The following GFOD2 variants were observed in gnomAD, a reference collection of about 807,000 sequenced individuals.
GFOD2 encodes Gfo/Idh/MocA-like oxidoreductase domain containing 2.
A neutral mutation model predicts 24.6 loss-of-function variants in GFOD2; 9 were observed. That is an observed-to-expected ratio of 0.37 (90% CI 0.22 to 0.64). The LOEUF is 0.64. GFOD2 is among the 30% of genes least tolerant of loss of function. The pLI is 0.65. For missense variants in GFOD2, 476 were observed against 532.5 expected, an observed-to-expected ratio of 0.89 and a Z score of 1.04; for synonymous variants, 211 against 224.8, an observed-to-expected ratio of 0.94 and a Z score of 0.55.
At chr16:67,708,778 C>T (rs1442145947) in intron 1 of GFOD2, among the ~76,000 whole-genome samples, 2 of 152,130 alleles carry the variant, frequency 1.3e-5, no homozygotes, top group African/African-American at 4.8e-5. Context: ...CTGAGAGGCA[C>T]CTCCACAGAC....
chr16:67,689,970 TA>T (rs1467474178), intron 1 of GFOD2, among the ~76,000 whole-genome samples: 1 of 152,216 alleles, frequency 6.6e-6, no homozygotes, highest in Non-Finnish European at 1.5e-5. Flanking sequence ...TTGGCTAGCA[TA>T]ATGTCTTCAA....
At chr16:67,697,627 G>A (rs2053368057) in intron 1 of GFOD2, among the ~76,000 whole-genome samples, 2 of 152,146 alleles carry the variant, frequency 1.3e-5, no homozygotes, top group African/African-American at 2.4e-5. Context: ...TCACTTCTCT[G>A]AGCCTCTATA....
chr16:67,691,543 G>A (rs981016561), intron 1 of GFOD2, among the ~76,000 whole-genome samples: 7 of 147,662 alleles, frequency 4.7e-5, no homozygotes, highest in Non-Finnish European at 5.9e-5. Flanking sequence ...AAGACTCTGC[G>A]GCAGGTCCCT....
intron 1 of GFOD2, among the ~76,000 whole-genome samples, chr16:67,702,635 T>C (rs2053411114): frequency 6.8e-6 from 1 of 146,490 alleles, no homozygotes; most frequent in South Asian, 2.2e-4. Context: ...AGTCTCGCTC[T>C]GTTGCCCAGT....
rs752518002 is a variant in GFOD2, at chr16:67,685,624, T to A, written c.92A>T (p.Glu31Val). 31 of 1,614,022 alleles carry A rather than the reference T, an allele frequency of 1.9e-5. No homozygotes were observed. In the Admixed American group the frequency reaches 5.2e-4, roughly 27 times the overall value. The change falls in exon 2 of 3, where the codon GAG (glutamate) becomes GTG (valine). Residue 31 changes from glutamate (E) to valine (V), a missense_variant. Coordinates refer to ENST00000268797, the MANE Select transcript of GFOD2 (RefSeq NM_030819.4). Reference sequence around the variant, plus strand: ...CTCCTCAGTCTTCCCCCACAGGGCCTCAACAGTGAACCCTTCTGCCCTCAG... The same window carrying A: ...CTCCTCAGTCTTCCCCCACAGGGCCACAACAGTGAACCCTTCTGCCCTCAG... ...PLLRAEGFTVEALWGKTEEEA... is the reference protein window; with the variant it reads ...PLLRAEGFTVVALWGKTEEEA...
intron 2 of GFOD2, 157 bp downstream of exon 2, chr16:67,685,293 TCATGCCC>T: frequency 6.9e-7 from 1 of 1,451,934 alleles, no homozygotes; most frequent in Non-Finnish European, 9.1e-7. Flanking sequence ...ATGTCTTTTT[TCATGCCC>T]TCCCCAAGCA....
rs1190003179 is a variant in GFOD2, at chr16:67,685,656, G to A, written c.60C>T (p.Val20=). ...TGAACCCTTCTGCCCTCAGCAGTGG[G>A]ACCAGAACTCGGGCGGAGCTGCCAG... is the stretch of plus-strand genomic sequence containing the variant. ...FGTGSSARVL[V]PLLRAEGFTV... Residue 20 remains valine (V), a synonymous_variant, in exon 2 of 3, where the codon GTC becomes GTT. Coordinates refer to ENST00000268797, the MANE Select transcript of GFOD2 (RefSeq NM_030819.4). The A allele has an allele frequency of 6.2e-7, 1 of 1,614,054 alleles. No individual in the cohort carries two copies. Among genetic ancestry groups the A allele is most frequent in the Non-Finnish European group, 8.5e-7 (1 of 1,180,030 alleles).
In GFOD2 at chr16:67,709,691, T is replaced by A. The variant is rs529163873; in HGVS notation, c.-88+9472A>T. ...GTGCAGTGGCATGATCTCAGCTCAC[T>A]GCAACCTCTGCCTCCTGGGTTCAAG... On this transcript the variant is annotated intron_variant, in intron 1 of 2. Transcript: ENST00000268797. 8.0e-5 allele frequency among the ~76,000 whole-genome samples: 12 copies of A among 150,062 alleles called. No individual in the cohort carries two copies. In the South Asian group the frequency reaches 2.4e-3, roughly 30 times the overall value.
chr16:67,682,731 A>G (rs2053237159), intron 2 of GFOD2: 15 of 985,434 alleles, frequency 1.5e-5, no homozygotes, highest in African/African-American at 5.2e-5. Context: ...CTTAGAAGTA[A>G]GGTAAAAATA....
intron 1 of GFOD2, among the ~76,000 whole-genome samples, chr16:67,695,436 CT>C: frequency 6.6e-6 from 1 of 150,812 alleles, no homozygotes; most frequent in East Asian, 1.9e-4. Context: ...TCACTGTCTG[CT>C]TTTACAGGTG....
chr16:67,676,749 T>C (rs930828235), intron 2 of GFOD2: 7 of 152,290 alleles, frequency 4.6e-5, no homozygotes, highest in African/African-American at 1.2e-4. Flanking sequence ...GAAGTGAGAA[T>C]ACCCTTTTTG....
chr16:67,676,691 T>TA (rs557992537), intron 2 of GFOD2: 15 of 152,410 alleles, frequency 9.8e-5, no homozygotes, highest in African/African-American at 3.4e-4. Context: ...TCCAACAAGT[T>TA]AGAGTGGCCC....
At chr16:67,701,202 T>C (rs769903317) in intron 1 of GFOD2, among the ~76,000 whole-genome samples, 2 of 152,182 alleles carry the variant, frequency 1.3e-5, no homozygotes, top group Non-Finnish European at 2.9e-5. Flanking sequence ...TTTGCCATCT[T>C]ATAAAGCTAA....
chr16:67,676,335 T>G, intron 2 of GFOD2: 1 of 383,198 alleles, frequency 2.6e-6, no homozygotes, highest in Non-Finnish European at 4.7e-6. Context: ...CCTCCTCTGT[T>G]GCCTAGGCAG....
intron 1 of GFOD2, among the ~76,000 whole-genome samples, chr16:67,709,993 T>C (rs941765524): frequency 1.3e-5 from 2 of 152,158 alleles, no homozygotes; most frequent in Admixed American, 1.3e-4. Context: ...TCACCCAGGC[T>C]GGAGTGCAGT....
At chr16:67,691,509 C>CCA (rs796291337) in intron 1 of GFOD2, among the ~76,000 whole-genome samples, 1 of 126,240 alleles carries the variant, frequency 7.9e-6, no homozygotes, top group African/African-American at 3.6e-5. Flanking sequence ...TGTGCCTAGA[C>CCA]CCCCCCCCAA....
chr16:67,694,272 C>G (rs2053340648), intron 1 of GFOD2, among the ~76,000 whole-genome samples: 1 of 152,068 alleles, frequency 6.6e-6, no homozygotes, highest in Non-Finnish European at 1.5e-5. Context: ...GCTGGGATTA[C>G]AGGCATGAGC....
chr16:67,714,722 T>C (rs2053496365), intron 1 of GFOD2, among the ~76,000 whole-genome samples: 1 of 152,154 alleles, frequency 6.6e-6, no homozygotes. Flanking sequence ...AAGACCACAC[T>C]AAGTACTCAG....
intron 1 of GFOD2, among the ~76,000 whole-genome samples, chr16:67,707,273 G>A (rs560262358): frequency 6.6e-6 from 1 of 151,014 alleles, no homozygotes; most frequent in South Asian, 2.1e-4. Context: ...CAGGAGAATT[G>A]CTTGAACCCA....
Sources: gnomAD v4.1 joint callset for allele counts (sites outside exome capture counted in the v4.1 genomes callset) on GRCh38, gnomAD v4.1.1 for gene constraint, MANE v1.5 for transcripts, NCBI Gene and HGNC (gene_info 2026-07-23, HGNC 2026-07-21) for gene names.